Variants in NMUR2 observed in about 807,000 individuals in gnomAD.
NMUR2 encodes neuromedin U receptor 2.
A neutral mutation model predicts 25.1 loss-of-function variants in NMUR2; 24 were observed. The ratio of observed to expected loss-of-function variants is 0.96; its 90% CI spans 0.69 to 1.34. The LOEUF (loss-of-function observed/expected upper bound fraction) is 1.34, where lower values mean the gene tolerates loss of function less well. Ranked by LOEUF, NMUR2 falls within the 40% of genes most tolerant of loss-of-function variation. NMUR2 has a pLI of 0.00. For missense variants in NMUR2, 533 were observed against 512.8 expected (o/e 1.04, Z -0.38); for synonymous variants, 218 against 208.1 (o/e 1.05, Z -0.41).
rs2113105330 is a variant in NMUR2, at chr5:152,404,659, A to G, written c.455T>C (p.Phe152Ser). ...VERYVAILHP[F>S]RAKLQSTRRR... ...CCGGGTGCTCTGCAGTTTGGCGCGGAACGGGTGTAGGATGGCCACGTAGCG... is the reference window on the plus strand; with the variant it reads ...CCGGGTGCTCTGCAGTTTGGCGCGGGACGGGTGTAGGATGGCCACGTAGCG... The change falls in exon 1 of 4, where the codon TTC becomes TCC. Residue 152 changes from phenylalanine to serine, a missense_variant. Transcript: ENST00000255262. 6.2e-7 allele frequency: 1 copy of G among 1,613,730 alleles called. No homozygotes were observed. The highest frequency in any genetic ancestry group is 8.5e-7 in the Non-Finnish European group (1 of 1,180,012).
At position 152,404,778 on chromosome 5, in the gene NMUR2, G is replaced by A. The variant is rs4623133; in HGVS notation, c.336C>T (p.Phe112=). 6.2e-7 allele frequency: 1 copy of A among 1,614,172 alleles called. No homozygotes were observed. ...AGTAGCAGCCCACGGGCCCGAACAA[G>A]AAAGGGTAGTTGCGCCACATCTCAT... ...EVYEMWRNYP[F]LFGPVGCYFK... Residue 112 remains phenylalanine (F), a synonymous_variant, in exon 1 of 4, where the codon TTC becomes TTT. Coordinates refer to ENST00000255262, the MANE Select transcript of NMUR2 (RefSeq NM_020167.5).
At chr5:152,398,283 T>A (rs1304282051) in intron 1 of NMUR2, 139 bp from the exon 2 acceptor site, 1 of 633,064 alleles carries the variant, frequency 1.6e-6, no homozygotes, top group African/African-American at 1.8e-5. Context: ...CTACGTCAAA[T>A]GTTTAACAGT....
In NMUR2 at chr5:152,392,355, G is replaced by C; in HGVS notation, c.1084C>G (p.Arg362Gly). 1 of 1,614,024 alleles carries C rather than the reference G, an allele frequency of 6.2e-7. No homozygotes were observed. The highest frequency in any genetic ancestry group is 1.1e-5 in the South Asian group (1 of 91,082). Reference protein sequence around the residue: ...QHDPQLPPAQRNIFLTECHFV... With the variant: ...QHDPQLPPAQGNIFLTECHFV... ...TGGCATTCTGTCAGGAAGATGTTCC[G>C]CTGGGCAGGTGGCAACTGTGGGTCA... is the stretch of plus-strand genomic sequence containing the variant. Residue 362 changes from arginine to glycine, a missense_variant, in exon 4 of 4, where the codon CGG (arginine) becomes GGG (glycine). Coordinates refer to ENST00000255262, the MANE Select transcript of NMUR2 (RefSeq NM_020167.5).
At chr5:152,397,049 C>A in intron 2 of NMUR2, among the ~76,000 whole-genome samples, 1 of 109,396 alleles carries the variant, frequency 9.1e-6, no homozygotes, top group Non-Finnish European at 2.0e-5. Context: ...TAGATTATGA[C>A]CAAGGAGAAA....
intron 1 of NMUR2, among the ~76,000 whole-genome samples, chr5:152,403,461 T>C (rs1330707839): frequency 6.6e-6 from 1 of 152,038 alleles, no homozygotes; most frequent in Admixed American, 6.5e-5. Flanking sequence ...AAAAATAGTT[T>C]CTCTCAGCTA....
chr5:152,398,490 C>T (rs1580888694), intron 1 of NMUR2, among the ~76,000 whole-genome samples: 1 of 152,160 alleles, frequency 6.6e-6, no homozygotes, highest in Non-Finnish European at 1.5e-5. Context: ...TTCATTCACT[C>T]ATTCATAATT....
rs556950541 is a variant in NMUR2 at position 152,403,252 on chromosome 5, G to T, written c.726+1136C>A. Reference sequence around the variant, plus strand: ...ACGGGAAAACTAATTCCAGGAGAATGATGTGGCTTGCCTAAAGGCATATTA... The same window carrying T: ...ACGGGAAAACTAATTCCAGGAGAATTATGTGGCTTGCCTAAAGGCATATTA... On this transcript the variant is annotated intron_variant, in intron 1 of 3. Coordinates refer to ENST00000255262, the MANE Select transcript of NMUR2 (RefSeq NM_020167.5). Among the ~76,000 whole-genome samples, 166 of 152,280 alleles carry T rather than the reference G, an allele frequency of 1.1e-3. 1 individual carries two copies. Among genetic ancestry groups the T allele is most frequent in the African/African-American group, 3.8e-3 (156 of 41,560 alleles).
chr5:152,392,207 T>A lies in NMUR2; in HGVS notation c.1232A>T (p.His411Leu), dbSNP rs1427675832. 5 of 1,610,748 alleles carry A rather than the reference T, an allele frequency of 3.1e-6. No homozygotes were observed. Among genetic ancestry groups the A allele is most frequent in the Non-Finnish European group, 4.2e-6 (5 of 1,177,666 alleles). The change falls in exon 4 of 4, where the codon CAC becomes CTC. Residue 411 changes from histidine to leucine, a missense_variant. By Grantham distance (99) the His-to-Leu change is moderately conservative. Coordinates refer to ENST00000255262, the MANE Select transcript of NMUR2 (RefSeq NM_020167.5). Reference sequence around the variant, plus strand: ...TGAAAGAATTCAGGTTTTGTTAAAGTGGAAGCTTTGATAGTTTGTTCTTGA... The same window carrying A: ...TGAAAGAATTCAGGTTTTGTTAAAGAGGAAGCTTTGATAGTTTGTTCTTGA... ...QMSRTNYQSF[H>L]FNKT
chr5:152,394,072 A>C (rs552699403), intron 3 of NMUR2, among the ~76,000 whole-genome samples: 4 of 152,276 alleles, frequency 2.6e-5, no homozygotes, highest in African/African-American at 9.6e-5. Context: ...GAACAGGATC[A>C]TGTCATTATT....
At chr5:152,394,970 A>G (rs1445204483) in intron 3 of NMUR2, among the ~76,000 whole-genome samples, 1 of 151,338 alleles carries the variant, frequency 6.6e-6, no homozygotes, top group Non-Finnish European at 1.5e-5. Context: ...CATCTGACTT[A>G]CTGACCTTTC....
chr5:152,403,616 CAT>C (rs957287463), intron 1 of NMUR2, among the ~76,000 whole-genome samples: 16 of 150,956 alleles, frequency 1.1e-4, no homozygotes, highest in Non-Finnish European at 1.8e-4. Flanking sequence ...CACTCTATCT[CAT>C]GTGCTGTTTA....
At chr5:152,399,758 T>C (rs1753222997) in intron 1 of NMUR2, among the ~76,000 whole-genome samples, 1 of 152,154 alleles carries the variant, frequency 6.6e-6, no homozygotes. Flanking sequence ...CCTTTGGTAT[T>C]TACCCAGGGT....
chr5:152,398,441 T>C (rs1753200205), intron 1 of NMUR2, among the ~76,000 whole-genome samples: 2 of 152,188 alleles, frequency 1.3e-5, no homozygotes, highest in African/African-American at 4.8e-5. Flanking sequence ...AATGTAAAAT[T>C]CTGAAGTTCA....
chr5:152,395,256 C>G (rs972642422), intron 3 of NMUR2, among the ~76,000 whole-genome samples: 2 of 152,058 alleles, frequency 1.3e-5, no homozygotes, highest in Admixed American at 6.6e-5. Context: ...ATAAAGTAGC[C>G]TTGAAAATAG....
chr5:152,394,122 G>A (rs904842521), intron 3 of NMUR2, among the ~76,000 whole-genome samples: 2 of 151,990 alleles, frequency 1.3e-5, no homozygotes, highest in African/African-American at 4.8e-5. Flanking sequence ...TTGCCTTGAC[G>A]CATCCAGAGA....
At chr5:152,397,081 CT>C (rs1753166904) in intron 2 of NMUR2, among the ~76,000 whole-genome samples, 1 of 126,660 alleles carries the variant, frequency 7.9e-6, no homozygotes, top group Non-Finnish European at 1.6e-5. Flanking sequence ...AATGAAGAAA[CT>C]ATGTTTCTTG....
chr5:152,392,110 A>G lies in NMUR2; in HGVS notation c.*81T>C. On this transcript the variant is annotated 3_prime_UTR_variant, in exon 4 of 4. Coordinates refer to ENST00000255262, the MANE Select transcript of NMUR2 (RefSeq NM_020167.5). ...TTGTAAGAGCCATTCTACCTCTCTA[A>G]TATCATATGAGAAGGCATACATTAT... 1 of 1,211,448 alleles carries G rather than the reference A, an allele frequency of 8.3e-7. No homozygotes were observed. The highest frequency in any genetic ancestry group is 1.2e-6 in the Non-Finnish European group (1 of 852,326). 75.0% of individuals were successfully genotyped at this position (1,211,448 alleles called of 1,614,324 possible).
chr5:152,405,153 G>C lies in NMUR2; in HGVS notation c.-40C>G, dbSNP rs1447348104. 7.2e-7 allele frequency: 1 copy of C among 1,392,856 alleles called. No individual in the cohort carries two copies. Among genetic ancestry groups the C allele is most frequent in the Non-Finnish European group, 9.6e-7 (1 of 1,036,854 alleles). 86.3% of individuals were successfully genotyped at this position (1,392,856 alleles called of 1,614,324 possible). A position where few individuals can be genotyped will look rare whatever the true frequency, so the allele number is the denominator to read the frequency against. ...TGAGCCTCCCCTGGTACGAGGCTCT[G>C]TTTCAAGCTGAGCCAGGAAAAAAAA... On this transcript the variant is annotated 5_prime_UTR_variant, in exon 1 of 4. Coordinates refer to ENST00000255262, the MANE Select transcript of NMUR2 (RefSeq NM_020167.5).
At chr5:152,397,012 G>GTTTTGTTTTTTTTTTTTT (rs1753163804) in intron 2 of NMUR2, among the ~76,000 whole-genome samples, 1 of 105,708 alleles carries the variant, frequency 9.5e-6, no homozygotes, top group Non-Finnish European at 2.0e-5. Flanking sequence ...TGAGCTTCAT[G>GTTTTGTTTTTTTTTTTTT]TTTTTTTTTT....
Sources: gnomAD v4.1 joint callset for allele counts (sites outside exome capture counted in the v4.1 genomes callset) on GRCh38, gnomAD v4.1.1 for gene constraint, MANE v1.5 for transcripts, NCBI Gene and HGNC (gene_info 2026-07-23, HGNC 2026-07-21) for gene names.